The following PTPRO variants were observed in gnomAD, a reference collection of about 807,000 sequenced individuals.
PTPRO encodes the protein receptor-type tyrosine-protein phosphatase O.
In PTPRO, 62 loss-of-function variants were observed where a neutral mutation model predicts 145.2. The observed-to-expected ratio is 0.43, with a 90% confidence interval of 0.35 to 0.53. PTPRO has a LOEUF of 0.53. Among genes scored for constraint, PTPRO ranks in the 20% least tolerant of loss-of-function variants. The pLI, the probability that PTPRO is intolerant of heterozygous loss-of-function variation, is 0.01. For synonymous variants in PTPRO, 565 were observed against 514.7 expected, an observed-to-expected ratio of 1.10 and a Z score of -1.32; for missense variants, 1,345 against 1,482.7, an observed-to-expected ratio of 0.91 and a Z score of 1.53.
chr12:15,346,865 C>T (rs760740197), intron 1 of PTPRO, among the ~76,000 whole-genome samples: 1 of 152,158 alleles, frequency 6.6e-6, no homozygotes, highest in African/African-American at 2.4e-5. Context: ...GGTTTAAAGT[C>T]TTTCATGATC....
At chr12:15,365,435 G>A (rs1322063977) in intron 1 of PTPRO, among the ~76,000 whole-genome samples, 2 of 152,004 alleles carry the variant, frequency 1.3e-5, no homozygotes, top group African/African-American at 4.8e-5. Flanking sequence ...TATCTCCACA[G>A]TAGTAGCAAA....
At chr12:15,504,095 A>G in intron 6 of PTPRO, 26 bp downstream of exon 6, 1 of 1,592,948 alleles carries the variant, frequency 6.3e-7, no homozygotes, top group Non-Finnish European at 8.6e-7. Flanking sequence ...ATCATTTTAC[A>G]CTTACTGGGG....
chr12:15,531,271 C>T (rs902355915), intron 12 of PTPRO, among the ~76,000 whole-genome samples: 18 of 152,188 alleles, frequency 1.2e-4, no homozygotes, highest in African/African-American at 4.3e-4. Flanking sequence ...TGAATTTCAC[C>T]AGACATTTAA....
intron 12 of PTPRO, among the ~76,000 whole-genome samples, chr12:15,542,852 A>C (rs2135542500): frequency 6.6e-6 from 1 of 152,320 alleles, no homozygotes; most frequent in Non-Finnish European, 1.5e-5. Flanking sequence ...CATTTCAAGT[A>C]CGCAACAGCT....
chr12:15,417,968 A>G (rs1940029231), intron 1 of PTPRO, among the ~76,000 whole-genome samples: 1 of 151,830 alleles, frequency 6.6e-6, no homozygotes, highest in Non-Finnish European at 1.5e-5. Flanking sequence ...CCATCTGCAA[A>G]TTGTTTGTTA....
At chr12:15,565,858 C>A (rs893764116) in intron 18 of PTPRO, among the ~76,000 whole-genome samples, 6 of 152,124 alleles carry the variant, frequency 3.9e-5, no homozygotes, top group Non-Finnish European at 7.4e-5. Flanking sequence ...TTTATCATAT[C>A]AAATCTGAGA....
At chr12:15,401,763 A>G (rs1939500612) in intron 1 of PTPRO, among the ~76,000 whole-genome samples, 1 of 152,242 alleles carries the variant, frequency 6.6e-6, no homozygotes, top group Admixed American at 6.5e-5. Context: ...TTGATTAAAA[A>G]GTAAGATTGA....
At chr12:15,523,955 C>T (rs1175945652) in intron 10 of PTPRO, among the ~76,000 whole-genome samples, 2 of 151,754 alleles carry the variant, frequency 1.3e-5, no homozygotes, top group South Asian at 2.1e-4. Context: ...TGCCACCATG[C>T]CCAGCTGAAT....
chr12:15,467,235 C>T (rs1941436134), intron 1 of PTPRO, among the ~76,000 whole-genome samples: 1 of 152,132 alleles, frequency 6.6e-6, no homozygotes, highest in African/African-American at 2.4e-5. Flanking sequence ...AGGTCCAAAC[C>T]TCTCTTCTGA....
intron 1 of PTPRO, among the ~76,000 whole-genome samples, chr12:15,384,316 C>T (rs1301538797): frequency 6.6e-6 from 1 of 152,120 alleles, no homozygotes; most frequent in Admixed American, 6.5e-5. Flanking sequence ...ATGTGTATTA[C>T]AATTTTGTTA....
At chr12:15,439,732 C>A in intron 1 of PTPRO, 1 of 539,750 alleles carries the variant, frequency 1.9e-6, no homozygotes, top group South Asian at 1.5e-5. Flanking sequence ...ACCTCCTAGT[C>A]AAGGACATGA....
In PTPRO at chr12:15,534,840, A is replaced by C. The variant is rs542527703; in HGVS notation, c.2164+8578A>C. ...AAGGGATTATTGTATCAACAATGAA[A>C]GTAGGGGAACTAATTAAGGGGCTAT... On this transcript the variant is annotated intron_variant, in intron 12 of 26. Coordinates refer to ENST00000281171, the MANE Select transcript of PTPRO (RefSeq NM_030667.3). 1.3e-4 allele frequency among the ~76,000 whole-genome samples: 20 copies of C among 152,370 alleles called. No homozygotes were observed. In the South Asian group the frequency reaches 3.7e-3, roughly 28 times the overall value.
At chr12:15,501,480 T>C in intron 4 of PTPRO, 140 bp from the exon 5 acceptor site, 1 of 776,658 alleles carries the variant, frequency 1.3e-6, no homozygotes, top group Non-Finnish European at 2.1e-6. Flanking sequence ...CTTATCTTGA[T>C]GTAAATTTGT....
At chr12:15,538,276 A>C (rs1943107174) in intron 12 of PTPRO, among the ~76,000 whole-genome samples, 3 of 151,208 alleles carry the variant, frequency 2.0e-5, no homozygotes, top group Admixed American at 1.3e-4. Context: ...TCTGTCATCC[A>C]GGCTGGAGTG....
chr12:15,570,720 A>G (rs1310467591), intron 19 of PTPRO, among the ~76,000 whole-genome samples: 1 of 152,204 alleles, frequency 6.6e-6, no homozygotes, highest in African/African-American at 2.4e-5. Context: ...TTCTAAGCAA[A>G]CATGAGGCAA....
intron 1 of PTPRO, among the ~76,000 whole-genome samples, chr12:15,405,701 G>A (rs1939629479): frequency 6.6e-6 from 1 of 152,184 alleles, no homozygotes; most frequent in African/African-American, 2.4e-5. Context: ...TTAAGAGAAT[G>A]AAGGACTTTA....
At chr12:15,564,259 G>A (rs1337536381) in intron 17 of PTPRO, among the ~76,000 whole-genome samples, 1 of 152,324 alleles carries the variant, frequency 6.6e-6, no homozygotes, top group Admixed American at 6.5e-5. Flanking sequence ...TCGTGGACGT[G>A]TTCCTACATT....
chr12:15,363,367 G>A (rs1028317906), intron 1 of PTPRO, among the ~76,000 whole-genome samples: 2 of 152,078 alleles, frequency 1.3e-5, no homozygotes, highest in African/African-American at 4.8e-5. Context: ...CACTGGCTGG[G>A]CTACAAATTA....
At chr12:15,540,566 T>C (rs1467888543) in intron 12 of PTPRO, among the ~76,000 whole-genome samples, 1 of 152,174 alleles carries the variant, frequency 6.6e-6, no homozygotes, top group Non-Finnish European at 1.5e-5. Flanking sequence ...AATTAATGAG[T>C]CACATTAAAA....
Sources: allele counts gnomAD v4.1 joint callset (sites outside exome capture counted in the v4.1 genomes callset), GRCh38; gene constraint gnomAD v4.1.1; transcripts MANE v1.5; gene names NCBI Gene and HGNC (gene_info 2026-07-23, HGNC 2026-07-21).